The following EHBP1 variants were observed in gnomAD, a reference collection of about 807,000 sequenced individuals.
EHBP1 encodes the protein EH domain binding protein 1.
Under a neutral mutation model 144.0 loss-of-function variants are expected in EHBP1, and 55 were observed. The ratio of observed to expected loss-of-function variants is 0.38; its 90% CI spans 0.31 to 0.48. The LOEUF (loss-of-function observed/expected upper bound fraction) is 0.48. EHBP1 is among the 20% of genes least tolerant of loss of function. EHBP1 has a pLI of 0.98. For missense variants in EHBP1, 1,200 were observed against 1,364.2 expected (o/e 0.88, Z 1.90); for synonymous variants, 469 against 472.7 (o/e 0.99, Z 0.10).
Position 62,970,091 on chromosome 2 carries a change from CT to C in EHBP1, c.2461-9082del, listed in dbSNP as rs199945341. On this transcript the variant is annotated intron_variant, in intron 14 of 22. Transcript: ENST00000431489. ...CTTGCCTCTGGACAAACACAGAATT[CT>C]TTTTTTTTTTTTTTCGGTCCATTCT... 2.7e-3 allele frequency among the ~76,000 whole-genome samples: 358 copies of C among 131,848 alleles called. 1 individual carries two copies. The highest frequency in any genetic ancestry group is 2.8e-3 in the Admixed American group (37 of 13,030). The allele number at this position is 131,848 out of a possible 152,430, so 86.5% of individuals were successfully genotyped here.
intron 4 of EHBP1, among the ~76,000 whole-genome samples, chr2:62,770,920 G>A (rs929025524): frequency 1.3e-5 from 2 of 152,102 alleles, no homozygotes; most frequent in Non-Finnish European, 1.5e-5. Context: ...ATCAAATACT[G>A]CATGTTCTCA....
chr2:62,688,170 A>T (rs1038864937), intron 1 of EHBP1, among the ~76,000 whole-genome samples: 1 of 152,154 alleles, frequency 6.6e-6, no homozygotes, highest in Non-Finnish European at 1.5e-5. Flanking sequence ...TTAATATTGG[A>T]TGTAAAAATT....
intron 1 of EHBP1, among the ~76,000 whole-genome samples, chr2:62,689,721 C>T (rs757459214): frequency 5.9e-5 from 9 of 151,990 alleles, no homozygotes; most frequent in Non-Finnish European, 1.2e-4. Flanking sequence ...AACAAGAATC[C>T]AAATCTTATG....
At chr2:62,711,442 A>G (rs2035141548) in intron 2 of EHBP1, among the ~76,000 whole-genome samples, 1 of 152,128 alleles carries the variant, frequency 6.6e-6, no homozygotes, top group Non-Finnish European at 1.5e-5. Flanking sequence ...TGGGGAGGAA[A>G]AGGTTTGGTG....
intron 5 of EHBP1, among the ~76,000 whole-genome samples, chr2:62,777,393 C>A (rs889103643): frequency 1.3e-5 from 2 of 149,684 alleles, no homozygotes; most frequent in Non-Finnish European, 3.0e-5. Flanking sequence ...ATTTATTCAA[C>A]CATTCTGCAA....
At chr2:62,728,680 G>A (rs2037086193) in intron 2 of EHBP1, among the ~76,000 whole-genome samples, 1 of 151,714 alleles carries the variant, frequency 6.6e-6, no homozygotes, top group Admixed American at 6.6e-5. Flanking sequence ...TTTCTCTCAT[G>A]TTGTAAGCTA....
chr2:62,925,504 T>TA (rs2055433106), intron 10 of EHBP1, among the ~76,000 whole-genome samples: 1 of 151,968 alleles, frequency 6.6e-6, no homozygotes, highest in South Asian at 2.1e-4. Context: ...ATGTTATTAT[T>TA]AAAAAAAGAC....
chr2:62,785,879 CTT>C (rs150739593), intron 5 of EHBP1, among the ~76,000 whole-genome samples: 1 of 150,114 alleles, frequency 6.7e-6, no homozygotes, highest in East Asian at 1.9e-4. Context: ...ACTTACGAAA[CTT>C]TTTTTTTTCT....
At chr2:62,787,004 G>T (rs2042851691) in intron 5 of EHBP1, among the ~76,000 whole-genome samples, 1 of 152,196 alleles carries the variant, frequency 6.6e-6, no homozygotes, top group Non-Finnish European at 1.5e-5. Flanking sequence ...CCGCAGGCAT[G>T]GCTGTATGAC....
intron 9 of EHBP1, among the ~76,000 whole-genome samples, chr2:62,872,398 A>G (rs1185867436): frequency 2.0e-5 from 3 of 152,134 alleles, no homozygotes; most frequent in Non-Finnish European, 4.4e-5. Context: ...TTTTCAAATC[A>G]TAGATGATCA....
Position 62,903,961 on chromosome 2 carries a change from AC to A in EHBP1, c.1185+29431del, listed in dbSNP as rs151064925. On this transcript the variant is annotated intron_variant, in intron 10 of 22. Transcript: ENST00000431489. ...AAACCTGAGTACATATCTTACTTCCACCACCAGCACCACCAAATCTAAGAAA... is the reference window on the plus strand; with the variant it reads ...AAACCTGAGTACATATCTTACTTCCACACCAGCACCACCAAATCTAAGAAA... Among the ~76,000 whole-genome samples the A allele has an allele frequency of 3.3e-4, 51 of 152,288 alleles. No homozygotes were observed. In the East Asian group the frequency reaches 7.5e-3, roughly 22 times the overall value.
intron 2 of EHBP1, among the ~76,000 whole-genome samples, chr2:62,722,447 A>T (rs1210613513): frequency 1.3e-5 from 2 of 151,174 alleles, no homozygotes; most frequent in Non-Finnish European, 1.5e-5. Flanking sequence ...TTTTTTTTTT[A>T]AACATAACCA....
At chr2:62,854,619 A>G (rs1464515433) in intron 7 of EHBP1, among the ~76,000 whole-genome samples, 2 of 152,192 alleles carry the variant, frequency 1.3e-5, no homozygotes, top group East Asian at 1.9e-4. Context: ...GAATGCACAC[A>G]TTATTGATGA....
intron 7 of EHBP1, chr2:62,858,595 ATC>A: frequency 1.1e-6 from 1 of 872,004 alleles, no homozygotes; most frequent in African/African-American, 1.7e-5. Context: ...GTCTGTATTT[ATC>A]TGTCAGTTTT....
At chr2:62,976,600 C>T (rs965375015) in intron 14 of EHBP1, among the ~76,000 whole-genome samples, 3 of 152,032 alleles carry the variant, frequency 2.0e-5, no homozygotes, top group Non-Finnish European at 2.9e-5. Flanking sequence ...TTTCTGTGTC[C>T]TCTTTTCCTC....
intron 14 of EHBP1, among the ~76,000 whole-genome samples, chr2:62,958,508 G>A (rs1003424946): frequency 2.6e-5 from 4 of 152,154 alleles, no homozygotes; most frequent in African/African-American, 4.8e-5. Flanking sequence ...CAAAACTAAC[G>A]TAGCATGACA....
At chr2:62,835,541 C>T (rs1419099933) in intron 7 of EHBP1, among the ~76,000 whole-genome samples, 7 of 152,162 alleles carry the variant, frequency 4.6e-5, no homozygotes, top group Non-Finnish European at 8.8e-5. Flanking sequence ...GCGTGAGCGA[C>T]GCAGAAGACG....
intron 7 of EHBP1, among the ~76,000 whole-genome samples, chr2:62,834,743 C>G (rs539760733): frequency 2.0e-5 from 3 of 152,252 alleles, no homozygotes; most frequent in African/African-American, 7.2e-5. Flanking sequence ...CGGCATGGGT[C>G]CACCTATACA....
intron 7 of EHBP1, among the ~76,000 whole-genome samples, chr2:62,853,792 C>T (rs994980759): frequency 3.7e-4 from 57 of 152,222 alleles, no homozygotes; most frequent in South Asian, 4.1e-4. Flanking sequence ...ACATCTCCAT[C>T]ACAGCTCTTG....
Sources: allele counts gnomAD v4.1 joint callset (sites outside exome capture counted in the v4.1 genomes callset), GRCh38; gene constraint gnomAD v4.1.1; transcripts MANE v1.5; gene names NCBI Gene and HGNC (gene_info 2026-07-23, HGNC 2026-07-21).